Variants in FGF1 observed in about 807,000 individuals in gnomAD.
FGF1 encodes beta-endothelial cell growth factor.
A neutral mutation model predicts 13.4 loss-of-function variants in FGF1; 9 were observed. That is an observed-to-expected ratio of 0.67 (90% CI 0.40 to 1.17). The LOEUF (loss-of-function observed/expected upper bound fraction) is 1.17, where lower values mean the gene tolerates loss of function less well. Ranked by LOEUF, FGF1 falls within the 50% of genes most tolerant of loss-of-function variation. FGF1 has a pLI of 0.01. For missense variants in FGF1, 156 were observed against 192.7 expected (o/e 0.81, Z 1.13); for synonymous variants, 93 against 79.0 (o/e 1.18, Z -0.94).
chr5:142,607,116 T>G (rs13159871), intron 2 of FGF1, among the ~76,000 whole-genome samples: 13,751 of 152,084 alleles, frequency 0.09, 894 homozygotes, highest in East Asian at 0.18. Flanking sequence ...CCCTGAGATG[T>G]TTTATGACCC....
chr5:142,592,284 A>G lies in FGF1; in HGVS notation c.*3006T>C, dbSNP rs1306586040. 1.3e-5 allele frequency: 5 copies of G among 398,378 alleles called. No homozygotes were observed. The allele number at this position is 398,378 out of a possible 1,614,324, so 24.7% of individuals were successfully genotyped here. On this transcript the variant is annotated 3_prime_UTR_variant, in exon 4 of 4. Transcript: ENST00000337706. ...CATCTTCATCAGAGGTCTGCTTTGC[A>G]GCCTGTGAGTTTAGTTGTCAGCAGT...
At chr5:142,662,432 CA>C (rs1158653417) in intron 1 of FGF1, among the ~76,000 whole-genome samples, 1 of 152,198 alleles carries the variant, frequency 6.6e-6, no homozygotes, top group African/African-American at 2.4e-5. Context: ...GACACCAATT[CA>C]ATGATTTTTG....
intron 2 of FGF1, among the ~76,000 whole-genome samples, chr5:142,608,918 C>A (rs1758436298): frequency 6.6e-6 from 1 of 151,736 alleles, no homozygotes; most frequent in African/African-American, 2.4e-5. Context: ...GGTGAGAGAA[C>A]CCTGTCGCGG....
chr5:142,629,877 T>TTATATA lies in FGF1; in HGVS notation c.-34-15722_-34-15717dup, dbSNP rs1554082564. 5.1e-5 allele frequency among the ~76,000 whole-genome samples: 7 copies of TTATATA among 137,574 alleles called. No individual in the cohort carries two copies. The South Asian group carries it at 8.8e-4, about 17-fold the overall frequency. The allele number at this position is 137,574 out of a possible 152,430, so 90.3% of individuals were successfully genotyped here. ...ATATGATATTATATATACATATATA[T>TTATATA]TATATATATATATATATATTTTTTT... On this transcript the variant is annotated intron_variant, in intron 1 of 3. Coordinates refer to ENST00000337706, the MANE Select transcript of FGF1 (RefSeq NM_000800.5).
upstream of FGF1, among the ~76,000 whole-genome samples, chr5:142,687,728 TA>T (rs1204997603): frequency 2.0e-5 from 3 of 152,162 alleles, no homozygotes; most frequent in Non-Finnish European, 2.9e-5. Context: ...GAAAATACCC[TA>T]AAAATCCTAA....
intron 1 of FGF1, among the ~76,000 whole-genome samples, chr5:142,661,167 T>C (rs994917242): frequency 1.3e-5 from 2 of 152,270 alleles, no homozygotes; most frequent in African/African-American, 2.4e-5. Context: ...ACCTGTGACA[T>C]GCAGGCATTG....
At chr5:142,641,583 G>A (rs900141602) in intron 1 of FGF1, among the ~76,000 whole-genome samples, 1 of 151,966 alleles carries the variant, frequency 6.6e-6, no homozygotes, top group African/African-American at 2.4e-5. Context: ...CATTGTAAAG[G>A]TAAATTTGTT....
chr5:142,636,085 C>A (rs1264113894), intron 1 of FGF1, among the ~76,000 whole-genome samples: 2 of 152,188 alleles, frequency 1.3e-5, no homozygotes, highest in Admixed American at 1.3e-4. Flanking sequence ...GAAGACTCCC[C>A]CTCCTTCTTG....
chr5:142,623,835 A>G (rs773857983), intron 1 of FGF1, among the ~76,000 whole-genome samples: 35 of 150,722 alleles, frequency 2.3e-4, no homozygotes, highest in Non-Finnish European at 4.7e-4. Context: ...TGTAGCCTCA[A>G]ATTCCTGGGC....
At chr5:142,649,171 T>A (rs574549678) in intron 1 of FGF1, among the ~76,000 whole-genome samples, 2 of 152,204 alleles carry the variant, frequency 1.3e-5, no homozygotes, top group Admixed American at 1.3e-4. Context: ...GATTCCCTTT[T>A]TCATAACATT....
chr5:142,684,277 A>G (rs1402538407), intron 1 of FGF1, among the ~76,000 whole-genome samples: 2 of 152,212 alleles, frequency 1.3e-5, no homozygotes, highest in Non-Finnish European at 2.9e-5. Context: ...ACTGAATGTT[A>G]TCATCATGGC....
chr5:142,686,957 C>A (rs17223107), upstream of FGF1, among the ~76,000 whole-genome samples: 93 of 152,262 alleles, frequency 6.1e-4, no homozygotes, highest in African/African-American at 2.1e-3. Context: ...GCTGTCTGGA[C>A]AAATAACTCT....
chr5:142,657,554 G>A (rs1394566293), intron 1 of FGF1, among the ~76,000 whole-genome samples: 1 of 152,252 alleles, frequency 6.6e-6, no homozygotes, highest in African/African-American at 2.4e-5. Flanking sequence ...GGTCAGCTGT[G>A]AATGTTGTTC....
chr5:142,640,431 G>C (rs556769259), intron 1 of FGF1, among the ~76,000 whole-genome samples: 3 of 149,998 alleles, frequency 2.0e-5, no homozygotes, highest in African/African-American at 7.4e-5. Context: ...TATGGTGGGG[G>C]GGGGGGTCTC....
intron 1 of FGF1, among the ~76,000 whole-genome samples, chr5:142,672,451 C>T (rs1181094109): frequency 6.6e-6 from 1 of 151,884 alleles, no homozygotes; most frequent in East Asian, 1.9e-4. Context: ...ACTCACATCC[C>T]TGCTCTGCTA....
At chr5:142,658,079 G>A (rs903452967) in intron 1 of FGF1, among the ~76,000 whole-genome samples, 1 of 152,218 alleles carries the variant, frequency 6.6e-6, no homozygotes, top group African/African-American at 2.4e-5. Flanking sequence ...CACGGTGGAC[G>A]TCTTGCATTC....
At chr5:142,675,243 G>T (rs978479676) in intron 1 of FGF1, among the ~76,000 whole-genome samples, 2 of 152,176 alleles carry the variant, frequency 1.3e-5, no homozygotes, top group Non-Finnish European at 2.9e-5. Context: ...TTCTGTACAG[G>T]AGAAAATCTT....
intron 1 of FGF1, among the ~76,000 whole-genome samples, chr5:142,671,530 T>C (rs4912874): frequency 0.33 from 50,175 of 152,156 alleles, 8,874 homozygotes; most frequent in African/African-American, 0.46. Flanking sequence ...TCTAATCCAA[T>C]AAACCTGGTT....
chr5:142,680,706 C>T (rs1268605610), intron 1 of FGF1: 1 of 152,148 alleles, frequency 6.6e-6, no homozygotes, highest in Non-Finnish European at 1.5e-5. Flanking sequence ...TAGGGGTGGT[C>T]TCACCAGGTA....
Sources: allele counts gnomAD v4.1 joint callset (sites outside exome capture counted in the v4.1 genomes callset), GRCh38; gene constraint gnomAD v4.1.1; transcripts MANE v1.5; gene names NCBI Gene and HGNC (gene_info 2026-07-23, HGNC 2026-07-21).